Variants in LYPLAL1 observed in about 807,000 individuals in gnomAD.
LYPLAL1 encodes the protein lysophospholipase like 1, also known as lysophospholipase-like protein 1.
LYPLAL1 carries 23 observed loss-of-function variants against 19.7 expected under a neutral mutation model. That is an observed-to-expected ratio of 1.17 (90% CI 0.84 to 1.65). The LOEUF (loss-of-function observed/expected upper bound fraction) is 1.65. Ranked by LOEUF, LYPLAL1 falls within the 40% of genes most tolerant of loss-of-function variation. The pLI is 0.00. For missense variants in LYPLAL1, 355 were observed against 279.4 expected, an observed-to-expected ratio of 1.27 and a Z score of -1.93; for synonymous variants, 119 against 96.3, an observed-to-expected ratio of 1.24 and a Z score of -1.38.
chr1:219,247,878 T>C, the LYPLAL1 span, among the ~76,000 whole-genome samples: 1 of 152,070 alleles, frequency 6.6e-6, no homozygotes, highest in Non-Finnish European at 1.5e-5. Context: ...ATGAGAAATG[T>C]AGGTGAGTAC....
At chr1:219,353,704 C>G in the LYPLAL1 span, among the ~76,000 whole-genome samples, 2 of 152,188 alleles carry the variant, frequency 1.3e-5, no homozygotes, top group Non-Finnish European at 2.9e-5. Context: ...ACAGAATTCA[C>G]ACACTGGACA....
chr1:219,193,034 A>C, intron 2 of LYPLAL1, 48 bp from the exon 3 acceptor site: 1 of 1,455,282 alleles, frequency 6.9e-7, no homozygotes, highest in Non-Finnish European at 9.1e-7. Flanking sequence ...CCATTTTCAT[A>C]TTCCCTTTTC....
chr1:219,238,870 T>C, the LYPLAL1 span, among the ~76,000 whole-genome samples: 1 of 152,198 alleles, frequency 6.6e-6, no homozygotes, highest in East Asian at 1.9e-4. Flanking sequence ...TTTAGGTAAA[T>C]ATGTTTTGGG....
At chr1:219,342,924 T>G in the LYPLAL1 span, among the ~76,000 whole-genome samples, 1 of 152,196 alleles carries the variant, frequency 6.6e-6, no homozygotes, top group African/African-American at 2.4e-5. Flanking sequence ...TTTAGTCCCT[T>G]TTTTCTTATT....
the LYPLAL1 span, among the ~76,000 whole-genome samples, chr1:219,286,192 A>G: frequency 6.6e-6 from 1 of 152,146 alleles, no homozygotes; most frequent in Admixed American, 6.6e-5. Context: ...GACAGTTGCA[A>G]TAGGCTGGCT....
At chr1:219,382,287 A>AG in the LYPLAL1 span, among the ~76,000 whole-genome samples, 1 of 152,230 alleles carries the variant, frequency 6.6e-6, no homozygotes, top group African/African-American at 2.4e-5. Context: ...TCTTCATGGC[A>AG]GGGAAAGCTA....
At chr1:219,426,068 C>T in the LYPLAL1 span, among the ~76,000 whole-genome samples, 1 of 152,146 alleles carries the variant, frequency 6.6e-6, no homozygotes, top group Non-Finnish European at 1.5e-5. Context: ...CAGGGCTCAG[C>T]ATGGGAAAAT....
the LYPLAL1 span, among the ~76,000 whole-genome samples, chr1:219,346,842 G>A: frequency 3.3e-5 from 5 of 152,184 alleles, no homozygotes; most frequent in Non-Finnish European, 1.5e-5. Context: ...ACAGAGACCA[G>A]GAAGAGCACG....
rs548022743 is a variant in LYPLAL1 at position 219,192,672 on chromosome 1, T to A, written c.192-410T>A. 1.3e-4 allele frequency among the ~76,000 whole-genome samples: 20 copies of A among 151,870 alleles called. 2 individuals carry two copies. The South Asian group carries it at 4.1e-3, about 31-fold the overall frequency. On this transcript the variant is annotated intron_variant, in intron 2 of 4. Transcript: ENST00000366928. Reference sequence around the variant, plus strand: ...TCATTTACATCTACCAACATAATACTTGAATACAGGACCCCCTTTACTCCA... The same window carrying A: ...TCATTTACATCTACCAACATAATACATGAATACAGGACCCCCTTTACTCCA...
the LYPLAL1 span, among the ~76,000 whole-genome samples, chr1:219,233,976 T>G: frequency 6.6e-6 from 1 of 152,114 alleles, no homozygotes; most frequent in Non-Finnish European, 1.5e-5. Context: ...GTATGGGTGA[T>G]GGGGCAGAGG....
At chr1:219,355,964 A>G in the LYPLAL1 span, among the ~76,000 whole-genome samples, 2 of 152,196 alleles carry the variant, frequency 1.3e-5, no homozygotes, top group African/African-American at 2.4e-5. Flanking sequence ...GAATAATGCT[A>G]TCAAAATGTT....
intron 2 of LYPLAL1, among the ~76,000 whole-genome samples, chr1:219,179,812 G>A (rs1300008576): frequency 1.3e-5 from 2 of 152,150 alleles, no homozygotes; most frequent in Non-Finnish European, 2.9e-5. Flanking sequence ...AACTGCTATA[G>A]TTTTGAGGTC....
the LYPLAL1 span, among the ~76,000 whole-genome samples, chr1:219,436,338 A>G: frequency 6.6e-6 from 1 of 152,214 alleles, no homozygotes; most frequent in African/African-American, 2.4e-5. Context: ...ATCACAAGTT[A>G]TGTCTTACGA....
At chr1:219,360,050 A>G in the LYPLAL1 span, among the ~76,000 whole-genome samples, 1 of 152,172 alleles carries the variant, frequency 6.6e-6, no homozygotes, top group Non-Finnish European at 1.5e-5. Flanking sequence ...AACAGCACAA[A>G]TCAGTAACTT....
the LYPLAL1 span, among the ~76,000 whole-genome samples, chr1:219,388,971 G>C: frequency 1.3e-5 from 2 of 152,090 alleles, no homozygotes; most frequent in Non-Finnish European, 2.9e-5. Flanking sequence ...CTCCACACCT[G>C]ACATTTTTCT....
At chr1:219,304,774 G>C in the LYPLAL1 span, among the ~76,000 whole-genome samples, 1 of 152,114 alleles carries the variant, frequency 6.6e-6, no homozygotes, top group Non-Finnish European at 1.5e-5. Flanking sequence ...CACATATTGA[G>C]ATGCCAAGTC....
At chr1:219,251,130 T>C in the LYPLAL1 span, among the ~76,000 whole-genome samples, 49 of 152,010 alleles carry the variant, frequency 3.2e-4, no homozygotes, top group East Asian at 7.9e-3. Flanking sequence ...TTTAATGGGG[T>C]TGTTTTTCTC....
At chr1:219,302,413 T>TC in the LYPLAL1 span, among the ~76,000 whole-genome samples, 3 of 152,096 alleles carry the variant, frequency 2.0e-5, no homozygotes, top group Admixed American at 2.0e-4. Context: ...TTTTCACTAT[T>TC]CCCCTCTCCA....
chr1:219,383,172 C>G, the LYPLAL1 span, among the ~76,000 whole-genome samples: 50 of 152,174 alleles, frequency 3.3e-4, no homozygotes, highest in Non-Finnish European at 5.9e-4. Context: ...CTAGGAAAGT[C>G]TTGAATTACA....
Sources: allele counts gnomAD v4.1 joint callset (sites outside exome capture counted in the v4.1 genomes callset), GRCh38; gene constraint gnomAD v4.1.1; transcripts MANE v1.5; gene names NCBI Gene and HGNC (gene_info 2026-07-23, HGNC 2026-07-21).